The following RAPGEF6 variants were observed in gnomAD, a reference collection of about 807,000 sequenced individuals.
RAPGEF6 encodes the protein PDZ domain containing guanine nucleotide exchange factor (GEF) 2.
Under a neutral mutation model 171.4 loss-of-function variants are expected in RAPGEF6, and 56 were observed. The observed-to-expected ratio is 0.33, with a 90% CI of 0.26 to 0.41. RAPGEF6 has a LOEUF of 0.41. RAPGEF6 is among the 10% of genes least tolerant of loss of function. The probability of loss-of-function intolerance (pLI) is 1.00; values close to 1 mark genes in which losing one functional copy is unlikely to be tolerated. For synonymous variants in RAPGEF6, 692 were observed against 650.1 expected (o/e 1.06, Z -0.98); for missense variants, 1,674 against 1,921.4 (o/e 0.87, Z 2.41).
intron 6 of RAPGEF6, chr5:131,532,167 A>G (rs1433131389): frequency 2.2e-6 from 1 of 450,828 alleles, no homozygotes; most frequent in Admixed American, 2.5e-5. Context: ...CCTAGGCTGG[A>G]AAGGGTAGTT....
intron 6 of RAPGEF6, among the ~76,000 whole-genome samples, chr5:131,527,127 G>GGGCC (rs1417184083): frequency 6.6e-6 from 1 of 152,034 alleles, no homozygotes; most frequent in African/African-American, 2.4e-5. Context: ...CAACAATAGG[G>GGGCC]GGCCCTCAGA....
rs770150651 is a variant in RAPGEF6 at position 131,431,354 on chromosome 5, A to C, written c.3975-5T>G. 4 of 1,580,480 alleles carry C rather than the reference A, an allele frequency of 2.5e-6. No homozygotes were observed. On this transcript the variant is annotated splice_polypyrimidine_tract_variant and splice_region_variant and intron_variant, in intron 25 of 27. Transcript: ENST00000509018. ...GATGGCTTCAAGAGTGTCCACCTAA[A>C]ATTGGAGATAACGTACAATTAGAAG...
At chr5:131,542,693 A>T (rs2149941415) in intron 6 of RAPGEF6, among the ~76,000 whole-genome samples, 1 of 152,342 alleles carries the variant, frequency 6.6e-6, no homozygotes. Context: ...CCTTCCCAAG[A>T]AAGAAATCAG....
intron 6 of RAPGEF6, among the ~76,000 whole-genome samples, chr5:131,546,944 A>T (rs960352174): frequency 6.6e-6 from 1 of 152,246 alleles, no homozygotes; most frequent in African/African-American, 2.4e-5. Context: ...AAAGACACAT[A>T]TTACTTACAC....
chr5:131,614,932 A>G (rs1269326656), intron 1 of RAPGEF6, among the ~76,000 whole-genome samples: 1 of 152,224 alleles, frequency 6.6e-6, no homozygotes, highest in East Asian at 1.9e-4. Context: ...GTTGCATGTA[A>G]GTAATAACCC....
intron 4 of RAPGEF6, among the ~76,000 whole-genome samples, chr5:131,577,104 G>C (rs775462345): frequency 1.4e-4 from 22 of 152,256 alleles, no homozygotes; most frequent in Non-Finnish European, 3.1e-4. Context: ...GAGGCCCACA[G>C]GGTCTGAGAA....
intron 9 of RAPGEF6, among the ~76,000 whole-genome samples, chr5:131,507,023 C>G (rs1330477548): frequency 6.6e-6 from 1 of 151,182 alleles, no homozygotes; most frequent in Non-Finnish European, 1.5e-5. Flanking sequence ...CAGGGATCCT[C>G]AAAGATATTC....
intron 21 of RAPGEF6, chr5:131,450,179 C>G: frequency 1.0e-6 from 1 of 968,802 alleles, no homozygotes; most frequent in Non-Finnish European, 1.6e-6. Flanking sequence ...AAAATTACAG[C>G]TTAACAGTAA....
At chr5:131,604,760 C>T in intron 1 of RAPGEF6, 67 bp from the exon 2 acceptor site, 1 of 1,497,458 alleles carries the variant, frequency 6.7e-7, no homozygotes, top group South Asian at 1.3e-5. Context: ...AGGCACCCCA[C>T]AATTCTGATT....
chr5:131,574,381 T>C (rs1762479926), intron 4 of RAPGEF6, among the ~76,000 whole-genome samples: 1 of 152,176 alleles, frequency 6.6e-6, no homozygotes, highest in Non-Finnish European at 1.5e-5. Context: ...CCATCATGGA[T>C]GCCGAGCTTC....
chr5:131,547,462 T>G (rs552382713), intron 6 of RAPGEF6, among the ~76,000 whole-genome samples: 2 of 151,598 alleles, frequency 1.3e-5, no homozygotes, highest in African/African-American at 4.8e-5. Context: ...CTTTTCAGTC[T>G]AAAAAGAAGC....
rs937106701 is a variant in RAPGEF6, at chr5:131,425,155, G to C, written c.*2111C>G. On this transcript the variant is annotated 3_prime_UTR_variant, in exon 28 of 28. Coordinates refer to ENST00000509018, the MANE Select transcript of RAPGEF6 (RefSeq NM_016340.6). The stretch of plus-strand genomic sequence containing the variant: ...GATAAAACAAAGGCAGCTGTAAGGT[G>C]CAAGTCCAAAACCATAGGCCTCAAC... 1 of 152,334 alleles carries C rather than the reference G, an allele frequency of 6.6e-6. No individual in the cohort carries two copies. The highest frequency in any genetic ancestry group is 1.9e-4 in the East Asian group (1 of 5,334). The allele number at this position is 152,334 out of a possible 1,614,324, so 9.4% of individuals were successfully genotyped here. A position where few individuals can be genotyped will look rare whatever the true frequency, so the allele number is the denominator to read the frequency against.
At chr5:131,463,184 CA>C (rs1754058631) in intron 18 of RAPGEF6, among the ~76,000 whole-genome samples, 1 of 152,196 alleles carries the variant, frequency 6.6e-6, no homozygotes, top group South Asian at 2.1e-4. Flanking sequence ...GCCAGCAAAA[CA>C]GAGTTAACTC....
intron 17 of RAPGEF6, 164 bp from the exon 18 acceptor site, chr5:131,464,445 T>C: frequency 9.6e-6 from 2 of 208,698 alleles, no homozygotes; most frequent in Non-Finnish European, 9.1e-6. Context: ...AAATATATCC[T>C]TTTTTTTTTT....
chr5:131,467,750 A>C (rs2149841736), intron 17 of RAPGEF6, among the ~76,000 whole-genome samples: 1 of 152,354 alleles, frequency 6.6e-6, no homozygotes, highest in South Asian at 2.1e-4. Context: ...GAATCTTGGA[A>C]GCCAGGGGCG....
intron 22 of RAPGEF6, among the ~76,000 whole-genome samples, chr5:131,443,438 A>G (rs1214695047): frequency 6.6e-6 from 1 of 152,194 alleles, no homozygotes; most frequent in Non-Finnish European, 1.5e-5. Flanking sequence ...GGGTCAAGTT[A>G]ACATTCTCTC....
In RAPGEF6 at chr5:131,485,033, C is replaced by A. The variant is rs943749730; in HGVS notation, c.1840+4513G>T. Among the ~76,000 whole-genome samples, 8 of 152,110 alleles carry A rather than the reference C, an allele frequency of 5.3e-5. No homozygotes were observed. The East Asian group carries it at 1.4e-3, about 26-fold the overall frequency. ...TCTTGAACTCCTGGGTTCAAGTGAT[C>A]TTCCTGCTTCAGCCTCCCAAGTAGC... On this transcript the variant is annotated intron_variant, in intron 15 of 27. Coordinates refer to ENST00000509018, the MANE Select transcript of RAPGEF6 (RefSeq NM_016340.6).
At chr5:131,484,500 C>T (rs894180560) in intron 15 of RAPGEF6, among the ~76,000 whole-genome samples, 6 of 152,180 alleles carry the variant, frequency 3.9e-5, no homozygotes, top group Admixed American at 2.6e-4. Flanking sequence ...CAGGCGTGAG[C>T]CACTGTGCCT....
intron 4 of RAPGEF6, among the ~76,000 whole-genome samples, chr5:131,565,438 C>G (rs1306947256): frequency 1.3e-5 from 2 of 152,256 alleles, no homozygotes; most frequent in East Asian, 3.9e-4. Flanking sequence ...AAGTGTTCTA[C>G]AGATTCAATA....
Sources: gnomAD v4.1 joint callset for allele counts (sites outside exome capture counted in the v4.1 genomes callset) on GRCh38, gnomAD v4.1.1 for gene constraint, MANE v1.5 for transcripts, NCBI Gene and HGNC (gene_info 2026-07-23, HGNC 2026-07-21) for gene names.